Variants in ADGRL3 observed in about 807,000 individuals in gnomAD.
The protein encoded by ADGRL3 is calcium-independent alpha-latrotoxin receptor 3.
Under a neutral mutation model 153.5 loss-of-function variants are expected in ADGRL3, and 62 were observed. That is an observed-to-expected ratio of 0.40 (90% CI 0.33 to 0.50). ADGRL3 has a LOEUF of 0.50. ADGRL3 is among the 20% of genes least tolerant of loss of function. ADGRL3 has a pLI of 0.47. For missense variants in ADGRL3, 1,641 were observed against 1,859.4 expected, an observed-to-expected ratio of 0.88 and a Z score of 2.16; for synonymous variants, 710 against 672.5, an observed-to-expected ratio of 1.06 and a Z score of -0.86.
intron 23 of ADGRL3, among the ~76,000 whole-genome samples, chr4:62,036,677 T>C (rs1486184924): frequency 1.3e-5 from 2 of 152,120 alleles, no homozygotes; most frequent in Non-Finnish European, 2.9e-5. Flanking sequence ...AAATAAAATC[T>C]TATTTGAATA....
At chr4:61,624,372 G>T (rs1013714118) in intron 5 of ADGRL3, among the ~76,000 whole-genome samples, 7 of 151,920 alleles carry the variant, frequency 4.6e-5, no homozygotes, top group Non-Finnish European at 8.8e-5. Flanking sequence ...AGAAAATGAG[G>T]CCATGAGATG....
intron 9 of ADGRL3, among the ~76,000 whole-genome samples, chr4:61,881,032 CCT>C (rs1420453413): frequency 2.6e-5 from 4 of 151,996 alleles, no homozygotes; most frequent in African/African-American, 4.8e-5. Flanking sequence ...AGTTGGATCC[CCT>C]GTTTGTTTCA....
intron 4 of ADGRL3, among the ~76,000 whole-genome samples, chr4:61,559,327 G>C (rs2098784066): frequency 6.6e-6 from 1 of 152,156 alleles, no homozygotes; most frequent in East Asian, 1.9e-4. Flanking sequence ...GATATGAATT[G>C]TTTTTAAATT....
rs1734472839 is a variant in ADGRL3, at chr4:61,200,927, C to T, written c.-1078C>T. On this transcript the variant is annotated 5_prime_UTR_variant, in exon 1 of 27. Coordinates refer to ENST00000683033, the MANE Select transcript of ADGRL3 (RefSeq NM_001387552.1). ...CCCCCGGGACGCAGCCCTCGGCGGC[C>T]GGGCGCCCGCTCTGTCTGCGCGCCC... Among the ~76,000 whole-genome samples, 1 of 152,032 alleles carries T rather than the reference C, an allele frequency of 6.6e-6. No individual in the cohort carries two copies. Among genetic ancestry groups the T allele is most frequent in the South Asian group, 2.1e-4 (1 of 4,830 alleles).
chr4:61,315,698 T>C (rs1312108342), intron 1 of ADGRL3, among the ~76,000 whole-genome samples: 1 of 152,078 alleles, frequency 6.6e-6, no homozygotes, highest in Non-Finnish European at 1.5e-5. Context: ...AAAGTAGCCA[T>C]ACTTGAATGG....
chr4:61,804,941 A>G (rs558882388), intron 8 of ADGRL3, among the ~76,000 whole-genome samples: 1 of 146,882 alleles, frequency 6.8e-6, no homozygotes, highest in African/African-American at 2.5e-5. Context: ...TTATTTATTT[A>G]TTTATTTATT....
chr4:61,542,873 G>A (rs1416426621), intron 4 of ADGRL3, among the ~76,000 whole-genome samples: 1 of 152,078 alleles, frequency 6.6e-6, no homozygotes, highest in Non-Finnish European at 1.5e-5. Context: ...CTTTTATTAA[G>A]GTCAAGTATT....
At chr4:61,384,797 A>G (rs2096717044) in intron 2 of ADGRL3, among the ~76,000 whole-genome samples, 1 of 152,090 alleles carries the variant, frequency 6.6e-6, no homozygotes, top group African/African-American at 2.4e-5. Flanking sequence ...TGAAACTTGC[A>G]AACATTATAC....
chr4:61,383,541 C>G (rs1343453659), intron 2 of ADGRL3, among the ~76,000 whole-genome samples: 1 of 151,642 alleles, frequency 6.6e-6, no homozygotes, highest in African/African-American at 2.4e-5. Flanking sequence ...ACTTTCTTAA[C>G]TAATGTAGAA....
chr4:61,814,858 G>A (rs569865691), intron 9 of ADGRL3, among the ~76,000 whole-genome samples: 4 of 152,076 alleles, frequency 2.6e-5, no homozygotes, highest in East Asian at 2.0e-4. Context: ...TCCAAATGCC[G>A]CCTGTGCTTG....
chr4:61,255,482 C>T (rs1389146876), intron 1 of ADGRL3, among the ~76,000 whole-genome samples: 4 of 152,112 alleles, frequency 2.6e-5, no homozygotes, highest in Non-Finnish European at 4.4e-5. Flanking sequence ...CATTGCGAAG[C>T]TATACATGTC....
In ADGRL3 at chr4:61,909,633, G is replaced by A; in HGVS notation, c.1961G>A (p.Gly654Glu). Residue 654 changes from glycine (G) to glutamate (E), a missense_variant, in exon 12 of 27, where the codon GGG becomes GAG. By Grantham distance (98) the Gly-to-Glu change is moderately conservative (BLOSUM62 -2). This residue lies in a region of ADGRL3 where 734 missense variants were observed against 797.0 expected (regional missense o/e 0.92). Coordinates refer to ENST00000683033, the MANE Select transcript of ADGRL3 (RefSeq NM_001387552.1). Reference protein sequence around the residue: ...AEQTRNHLNAGDITYSVRAMD... With the variant: ...AEQTRNHLNAEDITYSVRAMD... ...CAGACAAGAAATCACTTGAATGCTG[G>A]GGACATCACCTACTCTGTCCGGGCC... 6.2e-7 allele frequency: 1 copy of A among 1,613,306 alleles called. No homozygotes were observed. The highest frequency in any genetic ancestry group is 8.5e-7 in the Non-Finnish European group (1 of 1,179,686).
intron 14 of ADGRL3, 117 bp from the exon 15 acceptor site, chr4:61,935,806 G>A: frequency 1.1e-6 from 1 of 942,246 alleles, no homozygotes; most frequent in Non-Finnish European, 1.5e-6. Context: ...CATAAAGCAT[G>A]ACAAATAGAA....
At chr4:61,829,119 G>A (rs1445198351) in intron 9 of ADGRL3, among the ~76,000 whole-genome samples, 4 of 152,152 alleles carry the variant, frequency 2.6e-5, no homozygotes, top group Admixed American at 2.6e-4. Flanking sequence ...GATTTGTATA[G>A]CCTATCACTA....
intron 8 of ADGRL3, among the ~76,000 whole-genome samples, chr4:61,759,603 G>A (rs537823750): frequency 2.8e-4 from 43 of 151,956 alleles, no homozygotes; most frequent in African/African-American, 1.0e-3. Flanking sequence ...TAATTTCTTT[G>A]CCATGGGTTT....
intron 3 of ADGRL3, among the ~76,000 whole-genome samples, chr4:61,511,177 G>T (rs1454462884): frequency 6.6e-6 from 1 of 152,234 alleles, no homozygotes; most frequent in East Asian, 1.9e-4. Flanking sequence ...TGCCAACTTG[G>T]TGAAACCCTC....
In ADGRL3 at chr4:61,881,717, T is replaced by C. The variant is rs1045842344; in HGVS notation, c.1481-10939T>C. On this transcript the variant is annotated intron_variant, in intron 9 of 26. Coordinates refer to ENST00000683033, the MANE Select transcript of ADGRL3 (RefSeq NM_001387552.1). ...TGAATTTGTTTTAACTTCATACTTA[T>C]GCATAACTGAATCTTCCACAACATT... Among the ~76,000 whole-genome samples, 3 of 152,230 alleles carry C rather than the reference T, an allele frequency of 2.0e-5. No individual in the cohort carries two copies. The East Asian group carries it at 5.8e-4, about 29-fold the overall frequency.
At chr4:61,849,898 A>G (rs2149134179) in intron 9 of ADGRL3, among the ~76,000 whole-genome samples, 1 of 152,314 alleles carries the variant, frequency 6.6e-6, no homozygotes, top group Non-Finnish European at 1.5e-5. Flanking sequence ...TAAACACATT[A>G]CATGTAAACA....
intron 1 of ADGRL3, among the ~76,000 whole-genome samples, chr4:61,264,370 C>T (rs1304238077): frequency 2.0e-5 from 3 of 151,938 alleles, no homozygotes; most frequent in Admixed American, 6.6e-5. Flanking sequence ...AACCCCAAAT[C>T]GGCAAACATA....
Sources: allele counts gnomAD v4.1 joint callset (sites outside exome capture counted in the v4.1 genomes callset), GRCh38; gene constraint gnomAD v4.1.1; regional missense constraint gnomAD v4.1.1; transcripts MANE v1.5; gene names NCBI Gene and HGNC (gene_info 2026-07-23, HGNC 2026-07-21).